CCDC13: variants seen among roughly 807,000 people sequenced by gnomAD.
CCDC13 encodes coiled-coil domain containing 13.
In CCDC13, 70 loss-of-function variants were observed where a neutral mutation model predicts 87.3. That is an observed-to-expected ratio of 0.80 (90% CI 0.66 to 0.98). CCDC13 has a LOEUF of 0.98. Among genes scored for constraint, CCDC13 ranks in the 50% least tolerant of loss-of-function variants. The pLI, the probability that CCDC13 is intolerant of heterozygous loss-of-function variation, is 0.00. For synonymous variants in CCDC13, 317 were observed against 360.3 expected (o/e 0.88, Z 1.36); for missense variants, 842 against 892.0 (o/e 0.94, Z 0.71).
downstream of CCDC13, chr3:42,704,895 CT>C (rs1228311812): frequency 6.6e-6 from 1 of 152,212 alleles, no homozygotes; most frequent in Non-Finnish European, 1.5e-5. Context: ...ATCTGAGTCC[CT>C]TTTCAATTTT....
chr3:42,730,100 T>C (rs979270351), intron 13 of CCDC13, among the ~76,000 whole-genome samples: 1 of 152,150 alleles, frequency 6.6e-6, no homozygotes, highest in South Asian at 2.1e-4. Flanking sequence ...TAGCTTGTGT[T>C]TTCTTCCCAC....
chr3:42,747,710 G>A (rs1699453400), intron 5 of CCDC13, among the ~76,000 whole-genome samples: 1 of 152,226 alleles, frequency 6.6e-6, no homozygotes, highest in Non-Finnish European at 1.5e-5. Flanking sequence ...TAGAGGTGAA[G>A]CATCTGGAGG....
intron 1 of CCDC13, chr3:42,771,137 G>C (rs999706103): frequency 6.6e-6 from 1 of 152,154 alleles, no homozygotes; most frequent in African/African-American, 2.4e-5. Flanking sequence ...GAAAAGAAAT[G>C]AGCTATCACG....
intron 5 of CCDC13, among the ~76,000 whole-genome samples, chr3:42,748,138 GCTGA>G (rs540967376): frequency 8.0e-4 from 121 of 151,828 alleles, no homozygotes; most frequent in African/African-American, 2.9e-3. Context: ...TCTTAAATGG[GCTGA>G]CTACTTCTCT....
chr3:42,729,315 A>G (rs1234490373), intron 13 of CCDC13, among the ~76,000 whole-genome samples: 1 of 152,234 alleles, frequency 6.6e-6, no homozygotes, highest in Non-Finnish European at 1.5e-5. Flanking sequence ...AAAAGAATCA[A>G]TGTTGCTTTT....
chr3:42,719,688 T>G (rs1698516054), intron 13 of CCDC13, among the ~76,000 whole-genome samples: 1 of 152,214 alleles, frequency 6.6e-6, no homozygotes, highest in African/African-American at 2.4e-5. Context: ...GGTTTCCTTC[T>G]TGTCTTGTAA....
intron 13 of CCDC13, among the ~76,000 whole-genome samples, chr3:42,716,086 C>G (rs941032950): frequency 2.6e-5 from 4 of 152,186 alleles, no homozygotes; most frequent in African/African-American, 9.7e-5. Context: ...ACAGCTAATA[C>G]TTTTTTTGAG....
At chr3:42,741,594 G>T (rs182550988) in intron 8 of CCDC13, among the ~76,000 whole-genome samples, 1 of 152,080 alleles carries the variant, frequency 6.6e-6, no homozygotes, top group African/African-American at 2.4e-5. Context: ...AAAATTAGCC[G>T]GGCATGGTGG....
In CCDC13 at chr3:42,746,159, C is replaced by A. The variant is rs1699389630; in HGVS notation, c.721-132G>T. Reference sequence around the variant, plus strand: ...ATCTTCTTCCCATCTCAGAGCATAGCCCTCAAAGGTCAGTTTTCCATGTCC... The same window carrying A: ...ATCTTCTTCCCATCTCAGAGCATAGACCTCAAAGGTCAGTTTTCCATGTCC... On this transcript the variant is annotated intron_variant, in intron 6 of 15. Coordinates refer to ENST00000310232, the MANE Select transcript of CCDC13 (RefSeq NM_144719.4). 5 of 691,410 alleles carry A rather than the reference C, an allele frequency of 7.2e-6. No homozygotes were observed. In the South Asian group the frequency reaches 8.8e-5, roughly 12 times the overall value. The allele number at this position is 691,410 out of a possible 1,614,324, so 42.8% of individuals were successfully genotyped here.
intron 5 of CCDC13, chr3:42,749,908 G>A (rs937112392): frequency 4.4e-6 from 2 of 456,612 alleles, no homozygotes; most frequent in African/African-American, 2.0e-5. Context: ...AATGTGGATT[G>A]AGCCTGCAGG....
intron 1 of CCDC13, among the ~76,000 whole-genome samples, chr3:42,764,444 C>T (rs567976912): frequency 1.2e-4 from 18 of 152,378 alleles, no homozygotes; most frequent in Non-Finnish European, 2.2e-4. Context: ...TCGTCCCACA[C>T]GGACAGCAGC....
Position 42,720,323 on chromosome 3 carries a change from C to T in CCDC13, c.1719-7007G>A, listed in dbSNP as rs185928696. Among the ~76,000 whole-genome samples, 15 of 152,254 alleles carry T rather than the reference C, an allele frequency of 9.9e-5. No individual in the cohort carries two copies. In the South Asian group the frequency reaches 2.1e-3, roughly 21 times the overall value. ...AGGTTGTTAGGCCTCCTAAATGCCT[C>T]GTAAAATGCCATTATGACTCTTAAC... On this transcript the variant is annotated intron_variant, in intron 13 of 15. Coordinates refer to ENST00000310232, the MANE Select transcript of CCDC13 (RefSeq NM_144719.4).
At chr3:42,738,959 G>T (rs1463404760) in intron 9 of CCDC13, among the ~76,000 whole-genome samples, 1 of 152,224 alleles carries the variant, frequency 6.6e-6, no homozygotes, top group Non-Finnish European at 1.5e-5. Flanking sequence ...GAATAGGAGT[G>T]GTGAGAGAGG....
intron 14 of CCDC13, among the ~76,000 whole-genome samples, chr3:42,710,937 G>A (rs1157863713): frequency 6.6e-6 from 1 of 152,038 alleles, no homozygotes; most frequent in Non-Finnish European, 1.5e-5. Flanking sequence ...TCTAAGCCCT[G>A]TGACACAGGG....
In CCDC13 at chr3:42,757,205, T is replaced by C. The variant is rs750219812; in HGVS notation, c.231A>G (p.Glu77=). Residue 77 remains glutamate, a synonymous_variant, in exon 3 of 16, where the codon GAA becomes GAG. Coordinates refer to ENST00000310232, the MANE Select transcript of CCDC13 (RefSeq NM_144719.4). ...SKNSFEKRVL[E]DEIEHLRNEL... Reference sequence around the variant, plus strand: ...CATTTCGAAGGTGTTCAATCTCATCTTCAAGCACCCTACAAGGCAAAGGCA... The same window carrying C: ...CATTTCGAAGGTGTTCAATCTCATCCTCAAGCACCCTACAAGGCAAAGGCA... 18 of 1,613,792 alleles carry C rather than the reference T, an allele frequency of 1.1e-5. No homozygotes were observed. Among genetic ancestry groups the C allele is most frequent in the Non-Finnish European group, 1.3e-5 (15 of 1,179,890 alleles).
intron 10 of CCDC13, among the ~76,000 whole-genome samples, chr3:42,735,271 T>C (rs1337491863): frequency 6.6e-6 from 1 of 150,610 alleles, no homozygotes; most frequent in Non-Finnish European, 1.5e-5. Flanking sequence ...GGTAGCAGAG[T>C]GTAGGGAAAG....
chr3:42,748,087 T>C (rs193006528), intron 5 of CCDC13, among the ~76,000 whole-genome samples: 1 of 152,350 alleles, frequency 6.6e-6, no homozygotes, highest in African/African-American at 2.4e-5. Flanking sequence ...TTTTTTTTTT[T>C]TAACCCAATG....
chr3:42,726,407 C>G (rs1201256208), intron 13 of CCDC13, among the ~76,000 whole-genome samples: 1 of 152,072 alleles, frequency 6.6e-6, no homozygotes, highest in Non-Finnish European at 1.5e-5. Context: ...TGAAGCACAA[C>G]TGAAGATATT....
intron 7 of CCDC13, among the ~76,000 whole-genome samples, chr3:42,743,600 T>TATATATATATATACACATACATAC: frequency 7.9e-6 from 1 of 125,796 alleles, no homozygotes; most frequent in African/African-American, 3.6e-5. Context: ...TATATATATA[T>TATATATATATATACACATACATAC]ACACACACAC....
Sources: gnomAD v4.1 joint callset for allele counts (sites outside exome capture counted in the v4.1 genomes callset) on GRCh38, gnomAD v4.1.1 for gene constraint, MANE v1.5 for transcripts, NCBI Gene and HGNC (gene_info 2026-07-23, HGNC 2026-07-21) for gene names.